Variants in NRG3 observed in about 807,000 individuals in gnomAD.
The protein encoded by NRG3 is pro-neuregulin-3, membrane-bound isoform.
NRG3 carries 31 observed loss-of-function variants against 66.9 expected under a neutral mutation model. The ratio of observed to expected loss-of-function variants is 0.46; its 90% CI spans 0.35 to 0.63. The LOEUF is 0.63. Among genes scored for constraint, NRG3 ranks in the 20% least tolerant of loss-of-function variants. The probability of loss-of-function intolerance (pLI) is 0.00; values close to 1 mark genes in which losing one functional copy is unlikely to be tolerated. For missense variants in NRG3, 910 were observed against 878.9 expected, an observed-to-expected ratio of 1.04 and a Z score of -0.45; for synonymous variants, 393 against 359.4, an observed-to-expected ratio of 1.09 and a Z score of -1.06.
At chr10:82,216,594 GTA>G (rs1320266124) in intron 1 of NRG3, among the ~76,000 whole-genome samples, 8 of 133,998 alleles carry the variant, frequency 6.0e-5, no homozygotes, top group Non-Finnish European at 1.2e-4. Flanking sequence ...GTGTGTGTGT[GTA>G]TAGATATATA....
At chr10:82,719,655 T>C (rs375035489) in intron 2 of NRG3, among the ~76,000 whole-genome samples, 1 of 152,144 alleles carries the variant, frequency 6.6e-6, no homozygotes. Flanking sequence ...GATAGACCCA[T>C]TGGTTTTACT....
intron 2 of NRG3, among the ~76,000 whole-genome samples, chr10:82,622,934 AT>A (rs1248332522): frequency 1.3e-5 from 2 of 151,788 alleles, no homozygotes; most frequent in African/African-American, 2.4e-5. Context: ...AGTGTATTAA[AT>A]GCATTTTCAG....
chr10:82,577,950 T>C (rs1330195509), intron 2 of NRG3, among the ~76,000 whole-genome samples: 4 of 151,624 alleles, frequency 2.6e-5, no homozygotes, highest in Non-Finnish European at 4.4e-5. Context: ...CACGACAAAC[T>C]CTAGTGAAAG....
At chr10:81,900,826 A>C (rs995300214) in intron 1 of NRG3, among the ~76,000 whole-genome samples, 15 of 152,364 alleles carry the variant, frequency 9.8e-5, no homozygotes, top group African/African-American at 3.6e-4. Flanking sequence ...GCAGAAATAT[A>C]GCCAAAATAC....
At chr10:82,081,566 T>TACTTCTAA in intron 1 of NRG3, among the ~76,000 whole-genome samples, 1 of 152,308 alleles carries the variant, frequency 6.6e-6, no homozygotes, top group South Asian at 2.1e-4. Context: ...CTAGGTAAGG[T>TACTTCTAA]ACTTCTATAT....
intron 1 of NRG3, among the ~76,000 whole-genome samples, chr10:82,050,742 A>G (rs1203288288): frequency 1.4e-5 from 2 of 147,654 alleles, no homozygotes; most frequent in Non-Finnish European, 3.0e-5. Flanking sequence ...CAAGACTCTG[A>G]TAATGTCTCG....
At chr10:82,800,910 G>T (rs2061007155) in intron 3 of NRG3, among the ~76,000 whole-genome samples, 1 of 152,174 alleles carries the variant, frequency 6.6e-6, no homozygotes, top group Non-Finnish European at 1.5e-5. Context: ...AGCTGGAAAG[G>T]CTGTTAACTG....
intron 1 of NRG3, among the ~76,000 whole-genome samples, chr10:82,194,648 C>T (rs2074351947): frequency 6.6e-6 from 1 of 152,146 alleles, no homozygotes; most frequent in African/African-American, 2.4e-5. Flanking sequence ...AGACAGTGGT[C>T]TGAGCAGACA....
intron 1 of NRG3, among the ~76,000 whole-genome samples, chr10:81,898,554 A>G (rs763337978): frequency 6.6e-6 from 1 of 152,196 alleles, no homozygotes; most frequent in Non-Finnish European, 1.5e-5. Context: ...AATTTTTAGT[A>G]TGGGACCCAG....
intron 2 of NRG3, among the ~76,000 whole-genome samples, chr10:82,528,853 A>G (rs1192643298): frequency 3.3e-5 from 5 of 152,098 alleles, no homozygotes. Context: ...ATATTTGACT[A>G]AATGTTTCCT....
At chr10:82,291,602 G>A (rs1589613062) in intron 1 of NRG3, among the ~76,000 whole-genome samples, 2 of 152,178 alleles carry the variant, frequency 1.3e-5, no homozygotes, top group Non-Finnish European at 2.9e-5. Context: ...ATTTGGCAGC[G>A]AGAGAGACAC....
At chr10:82,518,009 T>C (rs913065917) in intron 2 of NRG3, among the ~76,000 whole-genome samples, 1 of 152,276 alleles carries the variant, frequency 6.6e-6, no homozygotes, top group East Asian at 1.9e-4. Context: ...GGGAAACACA[T>C]TGGCCAGTGG....
At chr10:82,355,308 C>T (rs970914921) in intron 1 of NRG3, among the ~76,000 whole-genome samples, 5 of 152,152 alleles carry the variant, frequency 3.3e-5, no homozygotes, top group Non-Finnish European at 7.4e-5. Flanking sequence ...CAGCTGGATA[C>T]ATTAGAGCAC....
At chr10:82,392,734 A>G (rs904776727) in intron 2 of NRG3, among the ~76,000 whole-genome samples, 3 of 152,176 alleles carry the variant, frequency 2.0e-5, no homozygotes, top group Non-Finnish European at 2.9e-5. Flanking sequence ...ATGCAGCATT[A>G]TAGCTTGGCT....
chr10:82,019,195 A>C (rs566709948), intron 1 of NRG3, among the ~76,000 whole-genome samples: 1 of 152,138 alleles, frequency 6.6e-6, no homozygotes, highest in East Asian at 1.9e-4. Context: ...TGAGATAATC[A>C]TGTGGTTTTT....
intron 2 of NRG3, among the ~76,000 whole-genome samples, chr10:82,736,685 A>G (rs935432707): frequency 6.6e-6 from 1 of 152,240 alleles, no homozygotes; most frequent in Non-Finnish European, 1.5e-5. Context: ...AATTTCAAAC[A>G]TCTTTCCTTA....
intron 1 of NRG3, among the ~76,000 whole-genome samples, chr10:81,917,840 A>G (rs1241546209): frequency 6.6e-6 from 1 of 152,184 alleles, no homozygotes; most frequent in Admixed American, 6.5e-5. Flanking sequence ...TGCAGGAATC[A>G]TTGTGAGCTT....
intron 2 of NRG3, among the ~76,000 whole-genome samples, chr10:82,622,014 C>A (rs974176259): frequency 1.2e-4 from 18 of 152,220 alleles, no homozygotes; most frequent in Non-Finnish European, 2.2e-4. Flanking sequence ...TTCCTTTTCC[C>A]ATCTGGGTCA....
At chr10:82,092,437 C>T (rs1024192) in intron 1 of NRG3, among the ~76,000 whole-genome samples, 114,890 of 151,912 alleles carry the variant, frequency 0.76, 43,522 homozygotes, top group Non-Finnish European at 0.79. Flanking sequence ...CTTTCAAGCA[C>T]CATTTTCATC....
Sources: gnomAD v4.1 joint callset for allele counts (sites outside exome capture counted in the v4.1 genomes callset) on GRCh38, gnomAD v4.1.1 for gene constraint, MANE v1.5 for transcripts, NCBI Gene and HGNC (gene_info 2026-07-23, HGNC 2026-07-21) for gene names.